The following MBD5 variants were observed in gnomAD, a reference collection of about 807,000 sequenced individuals.
The protein encoded by MBD5 is methyl-CpG-binding domain protein 5.
In MBD5, 13 loss-of-function variants were observed where a neutral mutation model predicts 117.3. That is an observed-to-expected ratio of 0.11 (90% CI 0.07 to 0.18). The LOEUF (loss-of-function observed/expected upper bound fraction) is 0.18. MBD5 is among the 10% of genes least tolerant of loss of function. MBD5 has a pLI of 1.00. For synonymous variants in MBD5, 727 were observed against 766.4 expected (o/e 0.95, Z 0.85); for missense variants, 1,879 against 2,093.8 (o/e 0.90, Z 2.00).
chr2:148,147,953 A>G (rs763229783), intron 1 of MBD5, among the ~76,000 whole-genome samples: 1 of 152,160 alleles, frequency 6.6e-6, no homozygotes, highest in Non-Finnish European at 1.5e-5. Flanking sequence ...ACATGGCTCT[A>G]TAGATTCCCA....
Position 148,483,182 on chromosome 2 carries a change from T to G in MBD5, c.2591T>G (p.Val864Gly). Residue 864 changes from valine (V) to glycine (G), a missense_variant, in exon 9 of 14, where the codon GTT (valine) becomes GGT (glycine). Physicochemically the swap from Val to Gly is moderately radical, Grantham distance 109. Transcript: ENST00000642680. ...NHPAITKTTS[V>G]LQDGVIVTTA... Reference sequence around the variant, plus strand: ...CCTGCCATCACAAAGACAACATCTGTTCTTCAAGATGGCGTCATAGTCACC... The same window carrying G: ...CCTGCCATCACAAAGACAACATCTGGTCTTCAAGATGGCGTCATAGTCACC... 3.1e-6 allele frequency: 5 copies of G among 1,613,914 alleles called. No homozygotes were observed. The highest frequency in any genetic ancestry group is 4.2e-6 in the Non-Finnish European group (5 of 1,179,960).
chr2:148,221,166 A>T (rs1281378385), intron 2 of MBD5, among the ~76,000 whole-genome samples: 7 of 152,176 alleles, frequency 4.6e-5, no homozygotes, highest in African/African-American at 1.7e-4. Context: ...ACTTTCTTAT[A>T]TTCATCTGTT....
intron 3 of MBD5, among the ~76,000 whole-genome samples, chr2:148,298,731 G>A (rs900786527): frequency 7.2e-5 from 11 of 152,038 alleles, no homozygotes; most frequent in African/African-American, 1.7e-4. Context: ...TCTAGAAATC[G>A]GCATCATGCC....
At chr2:148,248,890 T>C (rs1020393166) in intron 3 of MBD5, among the ~76,000 whole-genome samples, 4 of 151,882 alleles carry the variant, frequency 2.6e-5, no homozygotes, top group African/African-American at 7.3e-5. Context: ...AAAAAAGAGG[T>C]ATATAAAATT....
At chr2:148,345,217 T>TACACACACACACACACACAC (rs1553503434) in intron 4 of MBD5, among the ~76,000 whole-genome samples, 75 of 109,196 alleles carry the variant, frequency 6.9e-4, no homozygotes, top group Non-Finnish European at 1.1e-3. Context: ...TATGTATATA[T>TACACACACACACACACACAC]ACACACACAC....
At chr2:148,486,260 C>T (rs1257936809) in intron 10 of MBD5, among the ~76,000 whole-genome samples, 1 of 152,144 alleles carries the variant, frequency 6.6e-6, no homozygotes, top group Non-Finnish European at 1.5e-5. Flanking sequence ...GCATGCCCAC[C>T]TGTCCACCCT....
intron 1 of MBD5, among the ~76,000 whole-genome samples, chr2:148,161,101 T>A (rs79883023): frequency 6.6e-6 from 1 of 152,346 alleles, no homozygotes; most frequent in East Asian, 1.9e-4. Flanking sequence ...TACCGATATA[T>A]AGTTTACATA....
intron 4 of MBD5, among the ~76,000 whole-genome samples, chr2:148,442,008 C>T (rs926736669): frequency 6.6e-6 from 1 of 151,818 alleles, no homozygotes; most frequent in Non-Finnish European, 1.5e-5. Context: ...GGATATTAGC[C>T]CTTTGTCAGA....
At chr2:148,040,438 A>G (rs1481446905) in intron 1 of MBD5, among the ~76,000 whole-genome samples, 1 of 152,194 alleles carries the variant, frequency 6.6e-6, no homozygotes, top group East Asian at 1.9e-4. Context: ...CTATATGGAC[A>G]GAATAGATTA....
At chr2:148,354,054 C>A (rs1050073628) in intron 4 of MBD5, among the ~76,000 whole-genome samples, 7 of 152,074 alleles carry the variant, frequency 4.6e-5, no homozygotes, top group Admixed American at 4.6e-4. Flanking sequence ...TCAGGTCTTT[C>A]ATTTTTGCAT....
chr2:148,400,016 G>A (rs1704867740), intron 4 of MBD5, among the ~76,000 whole-genome samples: 1 of 152,094 alleles, frequency 6.6e-6, no homozygotes, highest in Non-Finnish European at 1.5e-5. Flanking sequence ...ACTTGATCAT[G>A]GTGGATAAGC....
At chr2:148,149,045 C>A (rs946824417) in intron 1 of MBD5, among the ~76,000 whole-genome samples, 18 of 152,104 alleles carry the variant, frequency 1.2e-4, no homozygotes, top group Admixed American at 7.2e-4. Flanking sequence ...CCCACTAAAT[C>A]GTCATCTAGC....
chr2:148,404,933 T>C (rs1161774282), intron 4 of MBD5, among the ~76,000 whole-genome samples: 1 of 152,172 alleles, frequency 6.6e-6, no homozygotes, highest in East Asian at 1.9e-4. Flanking sequence ...ATTGCATTGT[T>C]CATCCAAGTA....
intron 1 of MBD5, among the ~76,000 whole-genome samples, chr2:148,124,494 C>T (rs1696843799): frequency 6.6e-6 from 1 of 151,366 alleles, no homozygotes; most frequent in Non-Finnish European, 1.5e-5. Flanking sequence ...GGAAGGATTG[C>T]CTGAGACCAG....
intron 2 of MBD5, among the ~76,000 whole-genome samples, chr2:148,226,205 T>C (rs927891685): frequency 1.3e-5 from 2 of 152,146 alleles, no homozygotes; most frequent in Admixed American, 1.3e-4. Context: ...GTTGGTGTGC[T>C]GTACCCATTA....
Position 148,377,338 on chromosome 2 carries a change from G to A in MBD5, c.-557+35002G>A, listed in dbSNP as rs574060825. Among the ~76,000 whole-genome samples, 128 of 152,254 alleles carry A rather than the reference G, an allele frequency of 8.4e-4. 1 individual carries two copies. The highest frequency in any genetic ancestry group is 2.8e-3 in the African/African-American group (118 of 41,554). On this transcript the variant is annotated intron_variant, in intron 4 of 13. Transcript: ENST00000642680. ...TGGTGTCTACCCAGGTTAAGGGTGG[G>A]TCTGCCTTTCCCAGCCCACTGACTC...
intron 4 of MBD5, among the ~76,000 whole-genome samples, chr2:148,410,386 A>G (rs1259619041): frequency 6.6e-6 from 1 of 151,874 alleles, no homozygotes; most frequent in Non-Finnish European, 1.5e-5. Flanking sequence ...GGGGCTCTCT[A>G]TCTTTTTCTT....
chr2:148,455,770 A>C (rs1437218948), intron 4 of MBD5, among the ~76,000 whole-genome samples: 1 of 151,662 alleles, frequency 6.6e-6, no homozygotes, highest in Non-Finnish European at 1.5e-5. Flanking sequence ...AAAAAAAAAA[A>C]GGTATCAAAT....
chr2:148,325,566 G>T (rs966990636), intron 3 of MBD5, among the ~76,000 whole-genome samples: 26 of 152,166 alleles, frequency 1.7e-4, no homozygotes, highest in Non-Finnish European at 3.5e-4. Context: ...AGTCTTGGGA[G>T]AGTGTATGTG....
Sources: gnomAD v4.1 joint callset for allele counts (sites outside exome capture counted in the v4.1 genomes callset) on GRCh38, gnomAD v4.1.1 for gene constraint, MANE v1.5 for transcripts, NCBI Gene and HGNC (gene_info 2026-07-23, HGNC 2026-07-21) for gene names.